Variants in PGLYRP2 observed in about 807,000 individuals in gnomAD.
PGLYRP2 encodes the protein N-acetylmuramoyl-L-alanine amidase.
In PGLYRP2, 38 loss-of-function variants were observed where a neutral mutation model predicts 46.2. The ratio of observed to expected loss-of-function variants is 0.82; its 90% CI spans 0.64 to 1.08. The LOEUF is 1.08. Among genes scored for constraint, PGLYRP2 ranks in the 50% least tolerant of loss-of-function variants. The pLI is 0.00. For synonymous variants in PGLYRP2, 289 were observed against 329.4 expected (o/e 0.88, Z 1.33); for missense variants, 713 against 755.9 (o/e 0.94, Z 0.67).
chr19:15,474,850 G>A (rs960145162), intron 2 of PGLYRP2, among the ~76,000 whole-genome samples: 2 of 152,072 alleles, frequency 1.3e-5, no homozygotes, highest in African/African-American at 4.8e-5. Flanking sequence ...ACCCAGACAT[G>A]GTGGCACATG....
intron 1 of PGLYRP2, 139 bp from the exon 2 acceptor site, chr19:15,476,747 A>C: frequency 1.4e-6 from 1 of 718,148 alleles, no homozygotes; most frequent in Non-Finnish European, 2.2e-6. Context: ...TAGATGAGGA[A>C]AGTGAGGTAC....
At chr19:15,470,957 C>T (rs922363647) in intron 3 of PGLYRP2, among the ~76,000 whole-genome samples, 1 of 151,102 alleles carries the variant, frequency 6.6e-6, no homozygotes, top group African/African-American at 2.4e-5. Context: ...TTCTTCTTTT[C>T]GAGACGGGTT....
chr19:15,472,239 C>T (rs1382407063), intron 2 of PGLYRP2, 139 bp from the exon 3 acceptor site: 4 of 678,450 alleles, frequency 5.9e-6, no homozygotes, highest in Non-Finnish European at 7.4e-6. Context: ...CCACATTGGT[C>T]CTCCCTGGGG....
rs1472923637 is a variant in PGLYRP2 at position 15,476,001 on chromosome 19, C to T, written c.669G>A (p.Leu223=). The T allele has an allele frequency of 1.9e-6, 3 of 1,614,146 alleles. No homozygotes were observed. The highest frequency in any genetic ancestry group is 1.7e-6 in the Non-Finnish European group (2 of 1,180,026). The part of the protein sequence containing the change: ...TMVDSLLAVT[L]AGNLGLTFLR... Reference sequence around the variant, plus strand: ...GGAAGGTCAGGCCCAGGTTTCCAGCCAGGGTGACTGCCAGGAGGCTGTCCA... The same window carrying T: ...GGAAGGTCAGGCCCAGGTTTCCAGCTAGGGTGACTGCCAGGAGGCTGTCCA... Residue 223 remains leucine, a synonymous_variant, in exon 2 of 5, where the codon CTG becomes CTA. Coordinates refer to ENST00000340880, the MANE Select transcript of PGLYRP2 (RefSeq NM_052890.4).
chr19:15,468,977 T>C, intron 4 of PGLYRP2: 1 of 501,294 alleles, frequency 2.0e-6, no homozygotes, highest in Non-Finnish European at 3.6e-6. Context: ...GATTCTAAAA[T>C]TGTTTTAGTG....
Position 15,475,900 on chromosome 19 carries a change from G to C in PGLYRP2, c.770C>G (p.Thr257Ser). 6.2e-7 allele frequency: 1 copy of C among 1,614,098 alleles called. No individual in the cohort carries two copies. The highest frequency in any genetic ancestry group is 8.5e-7 in the Non-Finnish European group (1 of 1,180,016). ...GCWDQLSAPR[T>S]FTLLDPKASL... ...TGCCTTGGGGTCCAAAAGCGTAAAG[G>C]TCCGAGGGGCAGAGAGCTGGTCCCA... The change falls in exon 2 of 5, where the codon ACC becomes AGC. Residue 257 changes from threonine (T) to serine (S), a missense_variant. Thr to Ser is a moderately conservative substitution (Grantham distance 58). Coordinates refer to ENST00000340880, the MANE Select transcript of PGLYRP2 (RefSeq NM_052890.4).
At position 15,476,239 on chromosome 19, in the gene PGLYRP2, C is replaced by G; in HGVS notation, c.431G>C (p.Ser144Thr). The change falls in exon 2 of 5, where the codon AGC becomes ACC. Residue 144 changes from serine to threonine, a missense_variant. Ser to Thr is a moderately conservative substitution (Grantham distance 58). Coordinates refer to ENST00000340880, the MANE Select transcript of PGLYRP2 (RefSeq NM_052890.4). Reference protein sequence around the residue: ...GRRVINLPLDSMAAPWETGDT... With the variant: ...GRRVINLPLDTMAAPWETGDT... ...TCCAGTCTCCCAAGGGGCAGCCATG[C>G]TGTCCAAGGGCAAATTTATGACCCT... 1 of 1,614,152 alleles carries G rather than the reference C, an allele frequency of 6.2e-7. No individual in the cohort carries two copies. The highest frequency in any genetic ancestry group is 8.5e-7 in the Non-Finnish European group (1 of 1,180,012).
rs1314162855 is a variant in PGLYRP2, at chr19:15,476,087, C to G, written c.583G>C (p.Gly195Arg). 1.2e-6 allele frequency: 2 copies of G among 1,614,150 alleles called. No homozygotes were observed. The highest frequency in any genetic ancestry group is 1.7e-6 in the Non-Finnish European group (2 of 1,180,032). The change falls in exon 2 of 5, where the codon GGC (glycine) becomes CGC (arginine). Residue 195 changes from glycine to arginine, a missense_variant. Physicochemically the swap from Gly to Arg is moderately radical, Grantham distance 125. Coordinates refer to ENST00000340880, the MANE Select transcript of PGLYRP2 (RefSeq NM_052890.4). ...IGANTPDATK[G>R]CPDVQASLPD... Reference sequence around the variant, plus strand: ...AAGGAAGCTTGGACATCTGGACAGCCTTTTGTAGCATCTGGAGTGTTGGCT... The same window carrying G: ...AAGGAAGCTTGGACATCTGGACAGCGTTTTGTAGCATCTGGAGTGTTGGCT...
In PGLYRP2 at chr19:15,469,679, C is replaced by T. The variant is rs1970725179; in HGVS notation, c.1594G>A (p.Gly532Ser). The change falls in exon 4 of 5, where the codon GGC becomes AGC. Residue 532 changes from glycine to serine, a missense_variant. Physicochemically the swap from Gly to Ser is moderately conservative, Grantham distance 56. Transcript: ENST00000340880. The surrounding 1 kb of genome is among the most constrained non-coding windows in gnomAD (Gnocchi z 4.9). ...CGCAGCAGGTCGAAGAGCGCGTCGC[C>T]GGGGCAGTCGGTGCGCACCAGCTGG... ...HRQLVRTDCP[G>S]DALFDLLRTW... 8 of 1,537,168 alleles carry T rather than the reference C, an allele frequency of 5.2e-6. No individual in the cohort carries two copies. The highest frequency in any genetic ancestry group is 7.0e-6 in the Non-Finnish European group (8 of 1,146,706).
Position 15,475,519 on chromosome 19 carries a change from G to A in PGLYRP2, c.1132+19C>T, listed in dbSNP as rs776050672. 4 of 1,563,610 alleles carry A rather than the reference G, an allele frequency of 2.6e-6. No individual in the cohort carries two copies. Among genetic ancestry groups the A allele is most frequent in the African/African-American group, 2.7e-5 (2 of 73,894 alleles). On this transcript the variant is annotated intron_variant, in intron 2 of 4. Transcript: ENST00000340880. ...TGTCTGTAATGGGAAGGATCACAGGGTGTGGGGAACTTCCTCACCCAGGAA... is the reference window on the plus strand; with the variant it reads ...TGTCTGTAATGGGAAGGATCACAGGATGTGGGGAACTTCCTCACCCAGGAA...
At chr19:15,478,920 T>G (rs1970821564) in intron 1 of PGLYRP2, among the ~76,000 whole-genome samples, 1 of 152,096 alleles carries the variant, frequency 6.6e-6, no homozygotes. Context: ...TAGTAGAATT[T>G]GAATCCAGGA....
Position 15,469,859 on chromosome 19 carries a change from C to T in PGLYRP2, c.1414G>A (p.Gly472Ser). The T allele has an allele frequency of 2.6e-6, 4 of 1,509,480 alleles. No individual in the cohort carries two copies. The highest frequency in any genetic ancestry group is 1.3e-5 in the South Asian group (1 of 78,544). The allele number at this position is 1,509,480 out of a possible 1,614,324, so 93.5% of individuals were successfully genotyped here. Residue 472 changes from glycine to serine, a missense_variant, in exon 4 of 5, where the codon GGC (glycine) becomes AGC (serine). Transcript: ENST00000340880. This position sits in a 1 kb window ranked among gnomAD's most constrained non-coding sequence, Gnocchi z 4.9. ...ACGCCGAAGCCCCGGGAGTTGTGGC[C>T]GAGCGTGTGGGCGCCCACCCAGTGC... ...GWHWVGAHTLGHNSRGFGVAI... is the reference protein window; with the variant it reads ...GWHWVGAHTLSHNSRGFGVAI...
At chr19:15,475,393 C>T (rs1176266377) in intron 2 of PGLYRP2, 145 bp downstream of exon 2, 1 of 734,346 alleles carries the variant, frequency 1.4e-6, no homozygotes. Flanking sequence ...CATTTCCTCA[C>T]CTGTGCAGCT....
intron 1 of PGLYRP2, among the ~76,000 whole-genome samples, chr19:15,477,951 C>T (rs981382091): frequency 6.6e-5 from 10 of 152,258 alleles, no homozygotes; most frequent in East Asian, 5.8e-4. Context: ...AATAATTTAA[C>T]GCAGTTAGTC....
intron 4 of PGLYRP2, 110 bp from the exon 5 acceptor site, chr19:15,468,862 G>A (rs1970717506): frequency 1.3e-6 from 1 of 772,728 alleles, no homozygotes; most frequent in Non-Finnish European, 2.1e-6. Context: ...GGCCCAAAGT[G>A]AGAGAGTGAG....
Position 15,468,680 on chromosome 19 carries a change from C to T in PGLYRP2, c.1714G>A (p.Ala572Thr), listed in dbSNP as rs200337433. The change falls in exon 5 of 5, where the codon GCC becomes ACC. Residue 572 changes from alanine to threonine, a missense_variant. Ala to Thr is a moderately conservative substitution (Grantham distance 58, BLOSUM62 0). Transcript: ENST00000340880. ...TGCTGTCTTTATTGGAGGTCTGTGG[C>T]TGGCAGGGTCCTTGGGGGTGGCTCC... The part of the protein sequence containing the change: ...RREPPPRTLP[A>T]TDLQ 1 of 1,612,804 alleles carries T rather than the reference C, an allele frequency of 6.2e-7. No homozygotes were observed. The highest frequency in any genetic ancestry group is 8.5e-7 in the Non-Finnish European group (1 of 1,179,394).
Position 15,468,993 on chromosome 19 carries a change from G to A in PGLYRP2, c.1642-241C>T, listed in dbSNP as rs1599762498. On this transcript the variant is annotated intron_variant, in intron 4 of 4. Coordinates refer to ENST00000340880, the MANE Select transcript of PGLYRP2 (RefSeq NM_052890.4). ...ATTCTAAAATTGTTTTAGTGATGGCGATCAAGGGCTGGGATGAGGTCATCA... is the reference window on the plus strand; with the variant it reads ...ATTCTAAAATTGTTTTAGTGATGGCAATCAAGGGCTGGGATGAGGTCATCA... The A allele has an allele frequency of 1.2e-5, 6 of 507,838 alleles. No individual in the cohort carries two copies. In the East Asian group the frequency reaches 2.0e-4, roughly 17 times the overall value. 31.5% of individuals were successfully genotyped at this position (507,838 alleles called of 1,614,324 possible). A position where few individuals can be genotyped will look rare whatever the true frequency, so the allele number is the denominator to read the frequency against.
At chr19:15,473,818 AAAAGAAAG>A (rs769583445) in intron 2 of PGLYRP2, among the ~76,000 whole-genome samples, 66 of 151,716 alleles carry the variant, frequency 4.4e-4, no homozygotes, top group African/African-American at 1.4e-3. Context: ...TTCAAGAAAG[AAAAGAAAG>A]AAAGAAAGAA....
intron 2 of PGLYRP2, among the ~76,000 whole-genome samples, chr19:15,472,627 G>T (rs1970760815): frequency 6.6e-6 from 1 of 151,866 alleles, no homozygotes; most frequent in South Asian, 2.1e-4. Context: ...GGCAGGCATG[G>T]TGGCTCACTC....
Sources: allele counts gnomAD v4.1 joint callset (sites outside exome capture counted in the v4.1 genomes callset), GRCh38; gene constraint gnomAD v4.1.1; non-coding constraint Gnocchi (gnomAD v3.1); transcripts MANE v1.5; gene names NCBI Gene and HGNC (gene_info 2026-07-23, HGNC 2026-07-21).